MCTP1: variants seen among roughly 807,000 people sequenced by gnomAD.
MCTP1 encodes the protein multiple C2 and transmembrane domain containing 1, also known as multiple C2 and transmembrane domain-containing protein 1.
In MCTP1, 69 loss-of-function variants were observed where a neutral mutation model predicts 120.6. The observed-to-expected ratio is 0.57, with a 90% CI of 0.47 to 0.70. MCTP1 has a LOEUF of 0.70. Ranked by LOEUF, MCTP1 falls within the 30% of genes least tolerant of loss-of-function variation. The probability of loss-of-function intolerance (pLI) is 0.00; values close to 1 mark genes in which losing one functional copy is unlikely to be tolerated. For synonymous variants in MCTP1, 529 were observed against 493.1 expected (o/e 1.07, Z -0.96); for missense variants, 1,203 against 1,248.8 (o/e 0.96, Z 0.55).
intron 5 of MCTP1, among the ~76,000 whole-genome samples, chr5:94,933,239 T>A (rs1178268347): frequency 6.6e-6 from 1 of 151,828 alleles, no homozygotes; most frequent in Non-Finnish European, 1.5e-5. Flanking sequence ...CAAATACTAT[T>A]ATAGAAATAC....
intron 1 of MCTP1, among the ~76,000 whole-genome samples, chr5:95,067,035 G>C (rs1180267175): frequency 6.6e-6 from 1 of 151,088 alleles, no homozygotes; most frequent in Non-Finnish European, 1.5e-5. Context: ...TTGCTGTGCT[G>C]CCCCGTTCCT....
intron 1 of MCTP1, among the ~76,000 whole-genome samples, chr5:95,271,601 T>G (rs190726139): frequency 6.6e-6 from 1 of 152,116 alleles, no homozygotes; most frequent in East Asian, 1.9e-4. Flanking sequence ...TATTGTGACA[T>G]CTGGGGTTGA....
chr5:95,101,700 T>C (rs911376636), intron 1 of MCTP1, among the ~76,000 whole-genome samples: 1 of 152,234 alleles, frequency 6.6e-6, no homozygotes, highest in Non-Finnish European at 1.5e-5. Flanking sequence ...TAGTTAGTGA[T>C]CCCACTCTTT....
At chr5:94,717,171 A>G (rs1230729984) in intron 19 of MCTP1, among the ~76,000 whole-genome samples, 1 of 152,220 alleles carries the variant, frequency 6.6e-6, no homozygotes, top group African/African-American at 2.4e-5. Context: ...TAAAAACAAT[A>G]TCTACCATAA....
intron 17 of MCTP1, among the ~76,000 whole-genome samples, chr5:94,837,020 G>T (rs999453692): frequency 6.6e-6 from 1 of 152,050 alleles, no homozygotes; most frequent in African/African-American, 2.4e-5. Flanking sequence ...AGATTCTATG[G>T]GTTTGACAGA....
At chr5:94,950,779 C>T (rs1581521330) in intron 3 of MCTP1, among the ~76,000 whole-genome samples, 1 of 151,786 alleles carries the variant, frequency 6.6e-6, no homozygotes, top group East Asian at 1.9e-4. Context: ...AGGTGAAACT[C>T]CTTCTCTACT....
chr5:94,718,427 C>T (rs1760045195), intron 19 of MCTP1, among the ~76,000 whole-genome samples: 1 of 152,114 alleles, frequency 6.6e-6, no homozygotes, highest in East Asian at 1.9e-4. Flanking sequence ...CAATACCATT[C>T]AGGACATACT....
chr5:94,832,625 C>T (rs1174746424), intron 17 of MCTP1, among the ~76,000 whole-genome samples: 1 of 146,408 alleles, frequency 6.8e-6, no homozygotes, highest in Non-Finnish European at 1.5e-5. Flanking sequence ...CACACACACA[C>T]ACACACACAC....
At chr5:94,712,965 C>T (rs527285667) in intron 20 of MCTP1, among the ~76,000 whole-genome samples, 1 of 152,112 alleles carries the variant, frequency 6.6e-6, no homozygotes, top group Non-Finnish European at 1.5e-5. Flanking sequence ...GAATCCCCAC[C>T]AGTGTAGCTG....
At chr5:94,787,673 G>C (rs1434452534) in intron 18 of MCTP1, among the ~76,000 whole-genome samples, 3 of 150,858 alleles carry the variant, frequency 2.0e-5, no homozygotes, top group Non-Finnish European at 4.4e-5. Flanking sequence ...CTGGAGTGCA[G>C]TGGCGCGATC....
intron 1 of MCTP1, among the ~76,000 whole-genome samples, chr5:95,189,484 A>G (rs1251657359): frequency 6.6e-6 from 1 of 152,192 alleles, no homozygotes; most frequent in African/African-American, 2.4e-5. Context: ...AAGTGTCGGT[A>G]TGGTTGTAAG....
intron 5 of MCTP1, among the ~76,000 whole-genome samples, chr5:94,939,730 G>C (rs928552727): frequency 6.6e-6 from 1 of 151,916 alleles, no homozygotes; most frequent in African/African-American, 2.4e-5. Flanking sequence ...CAAAACAGCA[G>C]GGTCTGGATA....
At chr5:94,960,080 C>A (rs1309869089) in intron 2 of MCTP1, among the ~76,000 whole-genome samples, 1 of 152,062 alleles carries the variant, frequency 6.6e-6, no homozygotes, top group Non-Finnish European at 1.5e-5. Flanking sequence ...ACATATAGAC[C>A]AATGGAACAG....
At chr5:95,040,957 G>T (rs1842241346) in intron 1 of MCTP1, among the ~76,000 whole-genome samples, 1 of 152,070 alleles carries the variant, frequency 6.6e-6, no homozygotes, top group Admixed American at 6.6e-5. Flanking sequence ...GTGGAGGCTG[G>T]GTGGAGAGAC....
chr5:94,971,220 A>G (rs543196462), intron 2 of MCTP1, among the ~76,000 whole-genome samples: 3 of 152,280 alleles, frequency 2.0e-5, no homozygotes, highest in Non-Finnish European at 4.4e-5. Context: ...TTGACAGAGA[A>G]TAAGCCATTC....
chr5:94,768,338 G>T (rs1004555832), intron 19 of MCTP1, among the ~76,000 whole-genome samples: 1 of 152,082 alleles, frequency 6.6e-6, no homozygotes, highest in Non-Finnish European at 1.5e-5. Flanking sequence ...TCAGGACATT[G>T]GTCTAGGCAA....
At chr5:94,972,988 T>A (rs1402107879) in intron 2 of MCTP1, among the ~76,000 whole-genome samples, 2 of 152,140 alleles carry the variant, frequency 1.3e-5, no homozygotes, top group African/African-American at 4.8e-5. Context: ...CTTGAGTATC[T>A]ACTGTGTGCC....
chr5:94,886,977 T>A (rs1012765891), intron 12 of MCTP1, among the ~76,000 whole-genome samples: 8 of 152,164 alleles, frequency 5.3e-5, no homozygotes, highest in Non-Finnish European at 8.8e-5. Context: ...AGTCTTTCAA[T>A]TTTTGCCACC....
At chr5:95,107,852 A>C (rs146875817) in intron 1 of MCTP1, among the ~76,000 whole-genome samples, 1 of 152,116 alleles carries the variant, frequency 6.6e-6, no homozygotes, top group Non-Finnish European at 1.5e-5. Context: ...ATTTCCTTCT[A>C]TGTTTTTATT....
Sources: allele counts gnomAD v4.1 joint callset (sites outside exome capture counted in the v4.1 genomes callset), GRCh38; gene constraint gnomAD v4.1.1; transcripts MANE v1.5; gene names NCBI Gene and HGNC (gene_info 2026-07-23, HGNC 2026-07-21).